PDE4B: variants seen among roughly 807,000 people sequenced by gnomAD.
PDE4B encodes 3',5'-cyclic-AMP phosphodiesterase 4B.
A neutral mutation model predicts 82.2 loss-of-function variants in PDE4B; 20 were observed. That is an observed-to-expected ratio of 0.24 (90% CI 0.17 to 0.35). The LOEUF (loss-of-function observed/expected upper bound fraction) is 0.35, where lower values mean the gene tolerates loss of function less well. Ranked by LOEUF, PDE4B falls within the 10% of genes least tolerant of loss-of-function variation. The pLI, the probability that PDE4B is intolerant of heterozygous loss-of-function variation, is 1.00. For synonymous variants in PDE4B, 320 were observed against 318.9 expected (o/e 1.00, Z -0.04); for missense variants, 655 against 907.2 (o/e 0.72, Z 3.57).
chr1:65,839,366 C>T (rs1325260141), intron 1 of PDE4B, among the ~76,000 whole-genome samples: 1 of 151,974 alleles, frequency 6.6e-6, no homozygotes, highest in Non-Finnish European at 1.5e-5. Context: ...GTTTGCTGCA[C>T]CCATAAACCC....
chr1:66,219,965 A>T (rs1173732044), intron 3 of PDE4B, among the ~76,000 whole-genome samples: 1 of 152,174 alleles, frequency 6.6e-6, no homozygotes. Context: ...TGATTTCTTG[A>T]CAGTTTTTCT....
At chr1:65,839,038 G>T (rs1307742787) in intron 1 of PDE4B, among the ~76,000 whole-genome samples, 4 of 152,034 alleles carry the variant, frequency 2.6e-5, no homozygotes, top group African/African-American at 9.7e-5. Flanking sequence ...TGTAACTTGT[G>T]GCTTGTGCAG....
intron 7 of PDE4B, among the ~76,000 whole-genome samples, chr1:66,318,130 C>T (rs1283197948): frequency 1.3e-5 from 2 of 152,126 alleles, no homozygotes; most frequent in African/African-American, 2.4e-5. Flanking sequence ...GATTCAGATG[C>T]ACCTCTTCTA....
chr1:66,142,498 G>T (rs962690477), intron 3 of PDE4B, among the ~76,000 whole-genome samples: 11 of 151,484 alleles, frequency 7.3e-5, no homozygotes, highest in South Asian at 2.1e-4. Context: ...ACTAACAGTG[G>T]TTTTTTTTTA....
At chr1:66,161,223 A>G (rs1183748992) in intron 3 of PDE4B, among the ~76,000 whole-genome samples, 3 of 152,186 alleles carry the variant, frequency 2.0e-5, no homozygotes, top group Non-Finnish European at 4.4e-5. Context: ...AAATTAGTAC[A>G]GTGAAGCCTG....
chr1:66,260,927 A>C (rs1321173), intron 6 of PDE4B, among the ~76,000 whole-genome samples: 32,565 of 152,120 alleles, frequency 0.21, 7,235 homozygotes, highest in African/African-American at 0.56. Flanking sequence ...GCTTATCACA[A>C]AAAGCAGGCC....
At chr1:65,985,948 A>T (rs556356053) in intron 3 of PDE4B, among the ~76,000 whole-genome samples, 18 of 152,218 alleles carry the variant, frequency 1.2e-4, no homozygotes, top group South Asian at 8.3e-4. Context: ...GAATAATAAT[A>T]ATTATTATTA....
chr1:65,946,824 A>G (rs1648738092), intron 3 of PDE4B, among the ~76,000 whole-genome samples: 1 of 152,016 alleles, frequency 6.6e-6, no homozygotes, highest in Admixed American at 6.6e-5. Context: ...TGGCAAATAG[A>G]TCATAACAGT....
At chr1:65,988,958 T>C (rs1651099552) in intron 3 of PDE4B, among the ~76,000 whole-genome samples, 1 of 152,168 alleles carries the variant, frequency 6.6e-6, no homozygotes, top group Non-Finnish European at 1.5e-5. Flanking sequence ...TTTAAAAACA[T>C]TTTAAACCAA....
intron 1 of PDE4B, among the ~76,000 whole-genome samples, chr1:65,848,467 A>ATACG (rs140068279): frequency 1.3e-5 from 2 of 152,052 alleles, no homozygotes; most frequent in African/African-American, 2.4e-5. Context: ...TTTGACATAT[A>ATACG]TGTCTGTGAA....
intron 3 of PDE4B, among the ~76,000 whole-genome samples, chr1:65,970,187 T>A (rs747795362): frequency 3.3e-5 from 5 of 151,732 alleles, no homozygotes; most frequent in Non-Finnish European, 7.4e-5. Flanking sequence ...AATTGTATAC[T>A]AAGAATTTAT....
chr1:66,177,201 C>T (rs1457133201), intron 3 of PDE4B, among the ~76,000 whole-genome samples: 1 of 152,196 alleles, frequency 6.6e-6, no homozygotes, highest in African/African-American at 2.4e-5. Flanking sequence ...AAAGATAAAA[C>T]CTACAGTATG....
chr1:66,010,534 A>G (rs1652425990), intron 3 of PDE4B, among the ~76,000 whole-genome samples: 1 of 151,662 alleles, frequency 6.6e-6, no homozygotes, highest in East Asian at 1.9e-4. Context: ...ATTTAGTCAG[A>G]TAATATCATA....
chr1:66,191,542 C>T (rs1463738949), intron 3 of PDE4B, among the ~76,000 whole-genome samples: 2 of 152,128 alleles, frequency 1.3e-5, no homozygotes, highest in Admixed American at 6.5e-5. Flanking sequence ...AGATTACTGT[C>T]GAGTCAATAG....
intron 3 of PDE4B, among the ~76,000 whole-genome samples, chr1:65,981,109 G>C (rs1393255110): frequency 1.3e-5 from 2 of 152,102 alleles, no homozygotes; most frequent in African/African-American, 4.8e-5. Flanking sequence ...GTGTCCGTTA[G>C]AAGGTAAAAA....
chr1:65,989,218 A>G (rs1651112770), intron 3 of PDE4B, among the ~76,000 whole-genome samples: 1 of 152,142 alleles, frequency 6.6e-6, no homozygotes, highest in Admixed American at 6.6e-5. Flanking sequence ...AAACTGAGAC[A>G]GGCTGGGCAC....
intron 8 of PDE4B, among the ~76,000 whole-genome samples, chr1:66,342,516 C>G (rs572138094): frequency 1.5e-4 from 22 of 148,828 alleles, no homozygotes; most frequent in African/African-American, 5.2e-4. Flanking sequence ...TTGAGACCAG[C>G]CTGGCCAACA....
chr1:66,269,025 C>A (rs369962852), intron 7 of PDE4B, among the ~76,000 whole-genome samples: 1 of 151,938 alleles, frequency 6.6e-6, no homozygotes, highest in Non-Finnish European at 1.5e-5. Context: ...TTGAATTGAC[C>A]GGGAAAACTA....
chr1:66,145,559 G>A (rs1302543311), intron 3 of PDE4B, among the ~76,000 whole-genome samples: 5 of 152,082 alleles, frequency 3.3e-5, no homozygotes, highest in Admixed American at 3.3e-4. Flanking sequence ...GGGGATAAGG[G>A]CACCCCATCA....
Sources: allele counts gnomAD v4.1 joint callset (sites outside exome capture counted in the v4.1 genomes callset), GRCh38; gene constraint gnomAD v4.1.1; transcripts MANE v1.5; gene names NCBI Gene and HGNC (gene_info 2026-07-23, HGNC 2026-07-21).